OSBPL10: variants seen among roughly 807,000 people sequenced by gnomAD.
The protein encoded by OSBPL10 is oxysterol-binding protein-related protein 10.
A neutral mutation model predicts 81.7 loss-of-function variants in OSBPL10; 49 were observed. The observed-to-expected ratio is 0.60, with a 90% CI of 0.48 to 0.76. The LOEUF is 0.76. Among genes scored for constraint, OSBPL10 ranks in the 30% least tolerant of loss-of-function variants. The pLI, the probability that OSBPL10 is intolerant of heterozygous loss-of-function variation, is 0.00. For synonymous variants in OSBPL10, 419 were observed against 383.6 expected (o/e 1.09, Z -1.08); for missense variants, 923 against 987.8 (o/e 0.93, Z 0.88).
intron 1 of OSBPL10, among the ~76,000 whole-genome samples, chr3:32,075,559 T>A (rs931679624): frequency 6.6e-6 from 1 of 152,124 alleles, no homozygotes; most frequent in African/African-American, 2.4e-5. Context: ...TGACAAATCC[T>A]CCTTCTAAGA....
At chr3:31,786,772 G>A (rs1698871315) in intron 4 of OSBPL10, among the ~76,000 whole-genome samples, 1 of 152,066 alleles carries the variant, frequency 6.6e-6, no homozygotes, top group African/African-American at 2.4e-5. Flanking sequence ...TTTGGTTTTG[G>A]TTTTCTTAAG....
intron 2 of OSBPL10, among the ~76,000 whole-genome samples, chr3:32,011,953 G>A (rs901406900): frequency 5.3e-5 from 8 of 152,148 alleles, no homozygotes; most frequent in African/African-American, 7.2e-5. Flanking sequence ...TGAAAAGACC[G>A]AATCTACATC....
intron 4 of OSBPL10, among the ~76,000 whole-genome samples, chr3:31,750,973 G>A (rs1279663752): frequency 6.6e-6 from 1 of 152,060 alleles, no homozygotes; most frequent in Non-Finnish European, 1.5e-5. Flanking sequence ...TACAACAGAT[G>A]CACGTGCTCA....
chr3:31,876,613 G>A, intron 2 of OSBPL10, 101 bp from the exon 3 acceptor site: 1 of 919,616 alleles, frequency 1.1e-6, no homozygotes, highest in African/African-American at 1.6e-5. Flanking sequence ...AGCCTGGGGA[G>A]TGAGAGGTAG....
At chr3:31,864,910 A>G (rs1204220433) in intron 3 of OSBPL10, among the ~76,000 whole-genome samples, 1 of 152,030 alleles carries the variant, frequency 6.6e-6, no homozygotes, top group Non-Finnish European at 1.5e-5. Context: ...TGGCGTGAAC[A>G]AGTAGCTGAC....
intron 1 of OSBPL10, among the ~76,000 whole-genome samples, chr3:32,050,117 C>G (rs747472220): frequency 6.6e-6 from 1 of 152,160 alleles, no homozygotes; most frequent in Non-Finnish European, 1.5e-5. Flanking sequence ...GGAGCTTGAC[C>G]TTGTAACCAT....
rs550978675 is a variant in OSBPL10 at position 31,691,141 on chromosome 3, C to T, written c.1246-7027G>A. 5.3e-5 allele frequency among the ~76,000 whole-genome samples: 8 copies of T among 152,064 alleles called. No individual in the cohort carries two copies. The South Asian group carries it at 6.2e-4, about 12-fold the overall frequency. The stretch of plus-strand genomic sequence containing the variant: ...CATCAATAAAGACTGCCTTTTCTTC[C>T]GTTAACATAATTAAGACAGTGAACT... On this transcript the variant is annotated intron_variant, in intron 7 of 11. Transcript: ENST00000396556.
At chr3:31,813,301 G>A (rs1348300805) in intron 4 of OSBPL10, among the ~76,000 whole-genome samples, 1 of 152,188 alleles carries the variant, frequency 6.6e-6, no homozygotes, top group African/African-American at 2.4e-5. Flanking sequence ...TGGCAGCAAA[G>A]GTCAAATGGC....
At chr3:32,020,694 T>G (rs1220791463) in intron 2 of OSBPL10, among the ~76,000 whole-genome samples, 3 of 151,804 alleles carry the variant, frequency 2.0e-5, no homozygotes, top group Non-Finnish European at 2.9e-5. Context: ...AAATGTTCAT[T>G]AATGAAAAAC....
chr3:31,991,011 T>A, intron 2 of OSBPL10: 1 of 1,532,956 alleles, frequency 6.5e-7, no homozygotes, highest in East Asian at 2.3e-5. Flanking sequence ...AGAAAATTCA[T>A]TCCTGAGATA....
chr3:31,990,882 A>T (rs778736145), intron 2 of OSBPL10: 2 of 1,575,966 alleles, frequency 1.3e-6, no homozygotes, highest in African/African-American at 2.7e-5. Context: ...ATTGTGGCAA[A>T]GCCTTTACTT....
chr3:31,980,545 T>A (rs1698804607), intron 1 of OSBPL10, among the ~76,000 whole-genome samples: 1 of 152,136 alleles, frequency 6.6e-6, no homozygotes, highest in African/African-American at 2.4e-5. Context: ...CCTTTCCCAG[T>A]CATTCTTCAG....
chr3:31,804,152 T>G (rs912344265), intron 4 of OSBPL10, among the ~76,000 whole-genome samples: 14 of 152,214 alleles, frequency 9.2e-5, no homozygotes, highest in Non-Finnish European at 1.9e-4. Context: ...CTACATTTAT[T>G]AGTTAGAAGT....
chr3:32,005,648 C>T lies in OSBPL10; in HGVS notation n.298+40843G>A, dbSNP rs189714151. Among the ~76,000 whole-genome samples the T allele has an allele frequency of 1.3e-3, 195 of 152,202 alleles. 2 individuals are homozygous for T. Among genetic ancestry groups the T allele is most frequent in the Middle Eastern group, 6.8e-3 (2 of 294 alleles). ...CTGTTGCCAGGCTGGAGTGCAGTGT[C>T]GCTGTCTCGGCTCACTGCAACCTCT... is the stretch of plus-strand genomic sequence containing the variant. On this transcript the variant is annotated intron_variant and non_coding_transcript_variant, in intron 2 of 3. Transcript: ENST00000479173.
chr3:31,916,764 G>A (rs910357564), intron 1 of OSBPL10, among the ~76,000 whole-genome samples: 5 of 151,990 alleles, frequency 3.3e-5, no homozygotes, highest in East Asian at 3.9e-4. Context: ...AATCTCCCTC[G>A]CTGTTTCCAA....
rs1698828890 is a variant in OSBPL10 at position 31,981,107 on chromosome 3, T to G, written c.73A>C (p.Thr25Pro). The change falls in exon 1 of 12, where the codon ACC becomes CCC. Residue 25 changes from threonine to proline, a missense_variant. Physicochemically the swap from Thr to Pro is conservative, Grantham distance 38. Coordinates refer to ENST00000396556, the MANE Select transcript of OSBPL10 (RefSeq NM_017784.5). This position sits in a 1 kb window ranked among gnomAD's most constrained non-coding sequence, Gnocchi z 4.5. ...CAGGAGGGCGAGGAGCCCGCCGAGG[T>G]AGCACGGCTGCTGCTGCGGCTGCTG... ...NSSSRSSSRA[T>P]SAGSSPSCSL... 1 of 1,492,906 alleles carries G rather than the reference T, an allele frequency of 6.7e-7. No homozygotes were observed. Among genetic ancestry groups the G allele is most frequent in the East Asian group, 2.9e-5 (1 of 34,340 alleles). 92.5% of individuals were successfully genotyped at this position (1,492,906 alleles called of 1,614,324 possible). A position where few individuals can be genotyped will look rare whatever the true frequency, so the allele number is the denominator to read the frequency against.
intron 1 of OSBPL10, among the ~76,000 whole-genome samples, chr3:32,056,571 G>T (rs918121218): frequency 2.8e-4 from 43 of 152,310 alleles, no homozygotes; most frequent in Non-Finnish European, 1.5e-4. Flanking sequence ...CAAGAGATAC[G>T]AATGGCCCTT....
intron 3 of OSBPL10, among the ~76,000 whole-genome samples, chr3:31,869,298 G>C (rs543649091): frequency 1.3e-5 from 2 of 152,252 alleles, no homozygotes; most frequent in African/African-American, 4.8e-5. Context: ...TTCTCACTCT[G>C]AACCCCACAA....
chr3:31,772,031 G>A (rs772716593), intron 4 of OSBPL10, among the ~76,000 whole-genome samples: 49 of 152,254 alleles, frequency 3.2e-4, no homozygotes, highest in Admixed American at 2.4e-3. Flanking sequence ...CATTTGCCTA[G>A]CAGATTTTTT....
Sources: allele counts gnomAD v4.1 joint callset (sites outside exome capture counted in the v4.1 genomes callset), GRCh38; gene constraint gnomAD v4.1.1; non-coding constraint Gnocchi (gnomAD v3.1); transcripts MANE v1.5; gene names NCBI Gene and HGNC (gene_info 2026-07-23, HGNC 2026-07-21).